The following CTNNA2 variants were observed in gnomAD, a reference collection of about 807,000 sequenced individuals.
CTNNA2 encodes catenin alpha 2.
In CTNNA2, 42 loss-of-function variants were observed where a neutral mutation model predicts 101.0. The ratio of observed to expected loss-of-function variants is 0.42; its 90% CI spans 0.32 to 0.54. CTNNA2 has a LOEUF of 0.54. CTNNA2 is among the 20% of genes least tolerant of loss of function. The probability of loss-of-function intolerance (pLI) is 0.14; values close to 1 mark genes in which losing one functional copy is unlikely to be tolerated. For missense variants in CTNNA2, 871 were observed against 1,223.1 expected (o/e 0.71, Z 4.29); for synonymous variants, 450 against 456.4 (o/e 0.99, Z 0.18).
intron 6 of CTNNA2, among the ~76,000 whole-genome samples, chr2:79,895,526 T>A (rs755998671): frequency 3.3e-5 from 5 of 152,136 alleles, no homozygotes; most frequent in Non-Finnish European, 5.9e-5. Context: ...TGACTTTCCG[T>A]TTTAAATGGA....
intron 7 of CTNNA2, among the ~76,000 whole-genome samples, chr2:80,390,825 T>C (rs890066649): frequency 5.3e-5 from 8 of 152,112 alleles, no homozygotes; most frequent in Non-Finnish European, 1.2e-4. Context: ...TTTGCGTTAG[T>C]TTTGATTTTA....
intron 15 of CTNNA2, 106 bp from the exon 16 acceptor site, chr2:80,603,968 G>A: frequency 6.8e-6 from 6 of 879,420 alleles, no homozygotes; most frequent in Non-Finnish European, 1.1e-5. Context: ...AATGTGGCCA[G>A]TGCCAAATAA....
At chr2:80,251,044 A>C (rs949443936) in intron 7 of CTNNA2, among the ~76,000 whole-genome samples, 1 of 152,160 alleles carries the variant, frequency 6.6e-6, no homozygotes, top group African/African-American at 2.4e-5. Flanking sequence ...TGCTGTTGTT[A>C]TCTGTACCAT....
intron 7 of CTNNA2, among the ~76,000 whole-genome samples, chr2:80,136,570 G>A (rs906953616): frequency 4.6e-5 from 7 of 152,218 alleles, no homozygotes; most frequent in East Asian, 1.9e-4. Context: ...TTTGTGTTGC[G>A]TTCTGAGCTT....
intron 7 of CTNNA2, among the ~76,000 whole-genome samples, chr2:79,969,705 C>A (rs1345771339): frequency 6.6e-6 from 1 of 152,114 alleles, no homozygotes; most frequent in Non-Finnish European, 1.5e-5. Context: ...CTTTTTTCTG[C>A]CTTCTCTGTC....
chr2:79,896,903 G>T (rs1040943184), intron 6 of CTNNA2, among the ~76,000 whole-genome samples: 3 of 152,172 alleles, frequency 2.0e-5, no homozygotes, highest in African/African-American at 4.8e-5. Flanking sequence ...GCATACTGGG[G>T]TGGGGCAATG....
At chr2:79,860,471 G>C (rs1681507129) in intron 4 of CTNNA2, among the ~76,000 whole-genome samples, 1 of 150,372 alleles carries the variant, frequency 6.7e-6, no homozygotes, top group Admixed American at 6.6e-5. Flanking sequence ...AGTGCTGTTG[G>C]CTCATCAGAT....
rs1681256830 is a variant in CTNNA2, at chr2:79,651,599, A to G, written c.43A>G (p.Lys15Glu). The change falls in exon 2 of 19, where the codon AAA becomes GAA. Residue 15 changes from lysine (K) to glutamate (E), a missense_variant. Transcript: ENST00000402739. ...TSPIILKWDPKSLEIRTLTVE... is the reference protein window; with the variant it reads ...TSPIILKWDPESLEIRTLTVE... ...ACCTATCATTCTGAAATGGGACCCC[A>G]AAAGTTTGGAAATCCGGACGCTAAC... 6.8e-6 allele frequency: 11 copies of G among 1,613,878 alleles called. No homozygotes were observed. The highest frequency in any genetic ancestry group is 9.3e-6 in the Non-Finnish European group (11 of 1,179,848).
intron 3 of CTNNA2, among the ~76,000 whole-genome samples, 189 bp from the exon 4 acceptor site, chr2:79,857,824 A>G (rs1348167536): frequency 4.6e-5 from 7 of 152,230 alleles, no homozygotes; most frequent in African/African-American, 1.7e-4. Context: ...TGTTTGGTCC[A>G]CAGCACTTGT....
chr2:80,504,740 T>C (rs1343600961), intron 9 of CTNNA2, among the ~76,000 whole-genome samples: 6 of 152,190 alleles, frequency 3.9e-5, no homozygotes, highest in Non-Finnish European at 7.3e-5. Flanking sequence ...GGAGATTCAA[T>C]GGAGGTATAC....
At chr2:79,755,013 A>T (rs1483638707) in intron 3 of CTNNA2, among the ~76,000 whole-genome samples, 1 of 151,934 alleles carries the variant, frequency 6.6e-6, no homozygotes, top group Non-Finnish European at 1.5e-5. Context: ...CTGAGTGTAG[A>T]TCCATTACTT....
chr2:80,630,712 A>C (rs1230503620), intron 18 of CTNNA2, among the ~76,000 whole-genome samples: 1 of 152,202 alleles, frequency 6.6e-6, no homozygotes, highest in East Asian at 1.9e-4. Flanking sequence ...CATTTTAAAA[A>C]ATAAGAAAAA....
intron 1 of CTNNA2, among the ~76,000 whole-genome samples, chr2:79,537,725 C>T (rs978293709): frequency 1.3e-5 from 2 of 151,848 alleles, no homozygotes; most frequent in African/African-American, 2.4e-5. Context: ...ACCATAAATA[C>T]TTACCATGTC....
At chr2:80,128,643 A>C (rs951700091) in intron 7 of CTNNA2, among the ~76,000 whole-genome samples, 7 of 152,196 alleles carry the variant, frequency 4.6e-5, no homozygotes, top group Non-Finnish European at 7.3e-5. Flanking sequence ...TCAGAAGTCC[A>C]AGTAGCAGCG....
chr2:79,418,465 T>C (rs1678506755), intron 4 of CTNNA2, among the ~76,000 whole-genome samples: 1 of 152,124 alleles, frequency 6.6e-6, no homozygotes, highest in Admixed American at 6.6e-5. Flanking sequence ...AGACAGGGAT[T>C]AGTTAAATCA....
chr2:79,317,837 A>G (rs919031327), intron 3 of CTNNA2, among the ~76,000 whole-genome samples: 8 of 152,076 alleles, frequency 5.3e-5, no homozygotes, highest in Non-Finnish European at 8.8e-5. Context: ...TAAGTATTGA[A>G]AAATGAATGA....
chr2:79,820,466 G>A (rs1677913092), intron 3 of CTNNA2, among the ~76,000 whole-genome samples: 1 of 152,184 alleles, frequency 6.6e-6, no homozygotes, highest in Admixed American at 6.5e-5. Context: ...TTCCAAGTTG[G>A]CTGAAATCCT....
intron 3 of CTNNA2, among the ~76,000 whole-genome samples, chr2:79,755,579 C>G (rs191423386): frequency 5.0e-4 from 76 of 152,184 alleles, no homozygotes; most frequent in African/African-American, 1.7e-3. Flanking sequence ...TCAGAATTCC[C>G]TGCGTGGGTA....
chr2:80,425,380 C>A (rs924456489), intron 9 of CTNNA2, among the ~76,000 whole-genome samples: 13 of 151,936 alleles, frequency 8.6e-5, no homozygotes, highest in African/African-American at 3.1e-4. Context: ...GGAAATTTTG[C>A]GACTTACATA....
Sources: allele counts gnomAD v4.1 joint callset (sites outside exome capture counted in the v4.1 genomes callset), GRCh38; gene constraint gnomAD v4.1.1; transcripts MANE v1.5; gene names NCBI Gene and HGNC (gene_info 2026-07-23, HGNC 2026-07-21).